Variants in GON4L observed in about 807,000 individuals in gnomAD.
The protein encoded by GON4L is gon-4 like.
In GON4L, 87 loss-of-function variants were observed where a neutral mutation model predicts 211.8. That is an observed-to-expected ratio of 0.41 (90% confidence interval 0.35 to 0.49). GON4L has a LOEUF of 0.49. Ranked by LOEUF, GON4L falls within the 20% of genes least tolerant of loss-of-function variation. The pLI, the probability that GON4L is intolerant of heterozygous loss-of-function variation, is 0.15. For missense variants in GON4L, 2,155 were observed against 2,659.5 expected (o/e 0.81, Z 4.17); for synonymous variants, 875 against 962.6 (o/e 0.91, Z 1.68).
At chr1:155,807,894 A>G (rs2102114075) in intron 10 of GON4L, among the ~76,000 whole-genome samples, 1 of 151,806 alleles carries the variant, frequency 6.6e-6, no homozygotes, top group South Asian at 2.1e-4. Flanking sequence ...TCAATTTGGG[A>G]AGCTCTCCCT....
At position 155,853,349 on chromosome 1, in the gene GON4L, T is replaced by C. The variant is rs377677142; in HGVS notation, c.432A>G (p.Glu144=). The change falls in exon 2 of 32, where the codon GAA becomes GAG. Residue 144 remains glutamate (E), a synonymous_variant. Coordinates refer to ENST00000368331, the MANE Select transcript of GON4L (RefSeq NM_001282860.2). The stretch of plus-strand genomic sequence containing the variant: ...TTAGGGTAAGATGATCACATCTGTC[T>C]TCTTGGGTAACTGGCCCAGGCCTGA... The part of the protein sequence containing the change: ...MTLRPGPVTQ[E]DRCDHLTLKE... 8 of 1,614,080 alleles carry C rather than the reference T, an allele frequency of 5.0e-6. No individual in the cohort carries two copies. The highest frequency in any genetic ancestry group is 5.9e-6 in the Non-Finnish European group (7 of 1,179,892).
intron 23 of GON4L, among the ~76,000 whole-genome samples, chr1:155,761,492 G>A (rs1043043110): frequency 6.7e-6 from 1 of 149,894 alleles, no homozygotes; most frequent in African/African-American, 2.5e-5. Context: ...CGCCCAGCCT[G>A]GTTCATTTTT....
chr1:155,783,081 G>A (rs1237510026), intron 14 of GON4L, among the ~76,000 whole-genome samples: 1 of 152,174 alleles, frequency 6.6e-6, no homozygotes, highest in African/African-American at 2.4e-5. Context: ...ACAGAATTTT[G>A]TTGTATGAGC....
intron 11 of GON4L, among the ~76,000 whole-genome samples, chr1:155,798,091 A>G (rs1270146398): frequency 6.7e-6 from 1 of 148,548 alleles, no homozygotes; most frequent in African/African-American, 2.5e-5. Flanking sequence ...AAAAACAAAT[A>G]TATATTTTTT....
chr1:155,770,099 C>A (rs888647530), intron 19 of GON4L, among the ~76,000 whole-genome samples: 4 of 147,046 alleles, frequency 2.7e-5, no homozygotes, highest in Non-Finnish European at 5.9e-5. Flanking sequence ...TAATCCCCAG[C>A]TCCTTGGGAG....
intron 3 of GON4L, among the ~76,000 whole-genome samples, chr1:155,823,534 C>A (rs546093327): frequency 1.3e-5 from 2 of 152,136 alleles, no homozygotes; most frequent in African/African-American, 2.4e-5. Flanking sequence ...CTACTACTTA[C>A]AACCTACATA....
intron 18 of GON4L, 122 bp from the exon 19 acceptor site, chr1:155,771,339 T>C: frequency 7.4e-7 from 1 of 1,342,698 alleles, no homozygotes; most frequent in Non-Finnish European, 1.0e-6. Flanking sequence ...TCTCACGCTG[T>C]CACCCAGGCT....
upstream of GON4L, chr1:155,859,279 A>G (rs1571968520): frequency 6.5e-6 from 1 of 154,734 alleles, no homozygotes; most frequent in Non-Finnish European, 1.4e-5. Flanking sequence ...AGGATTTCAT[A>G]TAATAATCTA....
intron 4 of GON4L, among the ~76,000 whole-genome samples, 187 bp from the exon 5 acceptor site, chr1:155,821,735 C>T (rs1013613775): frequency 6.6e-6 from 1 of 152,174 alleles, no homozygotes; most frequent in Non-Finnish European, 1.5e-5. Flanking sequence ...GCCAGAACCA[C>T]ACAGTTTCAA....
At chr1:155,828,530 G>A (rs951148510) in intron 2 of GON4L, among the ~76,000 whole-genome samples, 1 of 151,714 alleles carries the variant, frequency 6.6e-6, no homozygotes, top group Non-Finnish European at 1.5e-5. Context: ...AAGAATGCTG[G>A]GCACAGTGGC....
rs73001032 is a variant in GON4L, at chr1:155,776,619, T to C, written c.2092-138A>G. The C allele has an allele frequency of 8.3e-4, 624 of 751,482 alleles. 1 individual carries two copies. In the African/African-American group the frequency reaches 9.3e-3, roughly 11 times the overall value. 46.6% of individuals were successfully genotyped at this position (751,482 alleles called of 1,614,324 possible). ...AGGCTGATGTGCAGTGATGCAATCA[T>C]GGCTCCACGCCCTCTCAACTTCCTG... On this transcript the variant is annotated intron_variant, in intron 15 of 31. Coordinates refer to ENST00000368331, the MANE Select transcript of GON4L (RefSeq NM_001282860.2).
At chr1:155,807,171 T>G (rs1667211811) in intron 10 of GON4L, among the ~76,000 whole-genome samples, 1 of 150,722 alleles carries the variant, frequency 6.6e-6, no homozygotes, top group South Asian at 2.1e-4. Context: ...TAGGCTGTGG[T>G]GACAAGATCG....
intron 2 of GON4L, among the ~76,000 whole-genome samples, chr1:155,850,798 C>T (rs1671696612): frequency 6.6e-6 from 1 of 151,998 alleles, no homozygotes; most frequent in Admixed American, 6.6e-5. Context: ...CGCCTGTAAT[C>T]CTAGCACTTT....
chr1:155,765,089 C>G lies in GON4L; in HGVS notation c.4384G>C (p.Glu1462Gln), dbSNP rs146617552. 1 of 1,614,080 alleles carries G rather than the reference C, an allele frequency of 6.2e-7. No individual in the cohort carries two copies. The highest frequency in any genetic ancestry group is 1.3e-5 in the African/African-American group (1 of 74,942). ...TGGGTGAGGTCATCAAAGTCCTCTT[C>G]TTCCTCTTCTTCTGGCCCATTCTTC... ...GEKNGPEEEE[E>Q]EDFDDLTQDE... The change falls in exon 21 of 32, where the codon GAA (glutamate) becomes CAA (glutamine). Residue 1462 changes from glutamate to glutamine, a missense_variant. This residue lies in a region of GON4L where 615 missense variants were observed against 625.7 expected (regional missense o/e 0.98). Transcript: ENST00000368331.
chr1:155,766,613 G>C lies in GON4L; in HGVS notation c.2860C>G (p.Arg954Gly), dbSNP rs143360629. 6 of 1,614,100 alleles carry C rather than the reference G, an allele frequency of 3.7e-6. No homozygotes were observed. Among genetic ancestry groups the C allele is most frequent in the Middle Eastern group, 1.6e-4 (1 of 6,062 alleles). The change falls in exon 21 of 32, where the codon CGA (arginine) becomes GGA (glycine). Residue 954 changes from arginine to glycine, a missense_variant. Physicochemically the swap from Arg to Gly is moderately radical, Grantham distance 125. Around this residue, in one of 6 missense-constraint regions of GON4L, gnomAD observed 615 missense variants for 625.7 expected, o/e 0.98. Transcript: ENST00000368331. The part of the protein sequence containing the change: ...MTGTTEINSD[R>G]SLEKDNLELG... ...TCCAAATTGTCTTTTTCTAGGCTTC[G>C]ATCTGAGTTGATCTCAGTGGTTCCA...
At chr1:155,833,457 G>A (rs1669980773) in intron 2 of GON4L, among the ~76,000 whole-genome samples, 1 of 151,606 alleles carries the variant, frequency 6.6e-6, no homozygotes, top group African/African-American at 2.4e-5. Context: ...AGACCATCCT[G>A]GCTACGGGGA....
intron 19 of GON4L, among the ~76,000 whole-genome samples, chr1:155,769,221 C>T (rs931317669): frequency 5.3e-5 from 8 of 152,118 alleles, no homozygotes; most frequent in Non-Finnish European, 4.4e-5. Flanking sequence ...GGTCATCTGC[C>T]TGCCTCAGCC....
intron 2 of GON4L, among the ~76,000 whole-genome samples, chr1:155,849,685 A>G (rs1028581897): frequency 6.6e-6 from 1 of 150,642 alleles, no homozygotes; most frequent in African/African-American, 2.4e-5. Context: ...ACGGCAGGAG[A>G]ATTGCTTGAA....
Position 155,766,203 on chromosome 1 carries a change from A to T in GON4L, c.3270T>A (p.Thr1090=), listed in dbSNP as rs376860668. Residue 1090 remains threonine, a synonymous_variant, in exon 21 of 32, where the codon ACT becomes ACA. Transcript: ENST00000368331. ...RTSFPLSESQ[T]LLSSAPVPKV... is the part of the protein sequence containing the mutation. Reference sequence around the variant, plus strand: ...TGGGCACAGGGGCAGAAGAGAGCAAAGTCTGGGACTCAGACAGAGGGAAGC... The same window carrying T: ...TGGGCACAGGGGCAGAAGAGAGCAATGTCTGGGACTCAGACAGAGGGAAGC... 4.3e-6 allele frequency: 7 copies of T among 1,614,122 alleles called. No homozygotes were observed. The South Asian group carries it at 7.7e-5, about 18-fold the overall frequency.
Sources: gnomAD v4.1 joint callset for allele counts (sites outside exome capture counted in the v4.1 genomes callset) on GRCh38, gnomAD v4.1.1 for gene constraint, gnomAD v4.1.1 regional missense constraint, MANE v1.5 for transcripts, NCBI Gene and HGNC (gene_info 2026-07-23, HGNC 2026-07-21) for gene names.